ACTN4: variants seen among roughly 807,000 people sequenced by gnomAD.
ACTN4 encodes the protein actinin alpha 4.
In ACTN4, 18 loss-of-function variants were observed where a neutral mutation model predicts 114.2. That is an observed-to-expected ratio of 0.16 (90% CI 0.11 to 0.23). ACTN4 has a LOEUF of 0.23. ACTN4 is among the 10% of genes least tolerant of loss of function. The pLI, the probability that ACTN4 is intolerant of heterozygous loss-of-function variation, is 1.00. For synonymous variants in ACTN4, 515 were observed against 506.3 expected (o/e 1.02, Z -0.23); for missense variants, 722 against 1,262.9 (o/e 0.57, Z 6.49).
intron 1 of ACTN4, among the ~76,000 whole-genome samples, chr19:38,654,328 G>A (rs1000254141): frequency 3.9e-5 from 6 of 152,148 alleles, no homozygotes; most frequent in African/African-American, 1.2e-4. Flanking sequence ...TTGGGAGGTC[G>A]AGGTAGGTGG....
intron 19 of ACTN4, chr19:38,728,506 T>TCC: frequency 1.6e-6 from 1 of 632,092 alleles, no homozygotes; most frequent in Non-Finnish European, 2.4e-6. Flanking sequence ...GGGACACTCC[T>TCC]CCGCCCGAGC....
intron 1 of ACTN4, among the ~76,000 whole-genome samples, chr19:38,674,588 A>G (rs1021835143): frequency 1.8e-4 from 28 of 152,186 alleles, no homozygotes; most frequent in African/African-American, 6.5e-4. Flanking sequence ...ACTTTACGTC[A>G]GTCCCAGCAT....
At chr19:38,651,336 G>A (rs937659772) in intron 1 of ACTN4, among the ~76,000 whole-genome samples, 1 of 152,166 alleles carries the variant, frequency 6.6e-6, no homozygotes, top group African/African-American at 2.4e-5. Context: ...TTATGCAACG[G>A]TTTTTACATG....
In ACTN4 at chr19:38,727,204, C is replaced by G. The variant is rs1969264951; in HGVS notation, c.2337+101C>G. The stretch of plus-strand genomic sequence containing the variant: ...TGTTCGTCCATTCCCATCACAGTTG[C>G]TGAGCGTCGGCCGCCACTCCCAGGG... On this transcript the variant is annotated intron_variant, in intron 18 of 20. Coordinates refer to ENST00000252699, the MANE Select transcript of ACTN4 (RefSeq NM_004924.6). The surrounding 1 kb of genome is among the most constrained non-coding windows in gnomAD (Gnocchi z 5.4). The G allele has an allele frequency of 1.3e-6, 2 of 1,546,118 alleles. No individual in the cohort carries two copies. Among genetic ancestry groups the G allele is most frequent in the Admixed American group, 1.9e-5 (1 of 52,954 alleles).
chr19:38,688,390 C>CAA (rs35793948), intron 1 of ACTN4, among the ~76,000 whole-genome samples: 5,042 of 80,950 alleles, frequency 0.062, 254 homozygotes, highest in African/African-American at 0.11. Flanking sequence ...TTGTCTCTAC[C>CAA]AAAAAAAAAA....
chr19:38,680,400 G>A (rs1049291352), intron 1 of ACTN4, among the ~76,000 whole-genome samples: 2 of 151,830 alleles, frequency 1.3e-5, no homozygotes, highest in Non-Finnish European at 2.9e-5. Flanking sequence ...GGCTGGTCTC[G>A]AAGTCCTGAC....
intron 1 of ACTN4, among the ~76,000 whole-genome samples, chr19:38,660,886 C>T (rs367829068): frequency 1.1e-4 from 16 of 152,160 alleles, no homozygotes; most frequent in Middle Eastern, 6.8e-3. Context: ...GCTTTGCGAG[C>T]GGGTGGTGAG....
rs746143050 is a variant in ACTN4 at position 38,725,894 on chromosome 19, T to C, written c.2181T>C (p.Tyr727=). The change falls in exon 17 of 21, where the codon TAT becomes TAC. Residue 727 remains tyrosine, a synonymous_variant. Coordinates refer to ENST00000252699, the MANE Select transcript of ACTN4 (RefSeq NM_004924.6). ...TCTTCGACAACAAGCACACCAACTA[T>C]ACCATGGAGGTGCGCGGCTGCCCCG... ...ALIFDNKHTN[Y]TMEHIRVGWE... is the part of the protein sequence containing the mutation. 1 of 1,613,776 alleles carries C rather than the reference T, an allele frequency of 6.2e-7. No homozygotes were observed.
At chr19:38,679,564 TGTGC>T (rs1255981676) in intron 1 of ACTN4, among the ~76,000 whole-genome samples, 3 of 128,470 alleles carry the variant, frequency 2.3e-5, no homozygotes, top group African/African-American at 8.5e-5. Context: ...TAGATTTGGG[TGTGC>T]GTGTGTGTGT....
intron 1 of ACTN4, among the ~76,000 whole-genome samples, chr19:38,657,774 C>T (rs776011661): frequency 2.0e-5 from 3 of 152,020 alleles, no homozygotes; most frequent in South Asian, 2.1e-4. Context: ...CTGAGGGGGA[C>T]GTCACAATAA....
chr19:38,691,140 G>A (rs563993423), intron 1 of ACTN4, among the ~76,000 whole-genome samples: 1 of 152,202 alleles, frequency 6.6e-6, no homozygotes, highest in Non-Finnish European at 1.5e-5. Context: ...GTGAGGCCGG[G>A]TGTGTTGGCT....
At position 38,727,119 on chromosome 19, in the gene ACTN4, C is replaced by T; in HGVS notation, c.2337+16C>T. On this transcript the variant is annotated intron_variant, in intron 18 of 20. Transcript: ENST00000252699. The surrounding 1 kb of genome is among the most constrained non-coding windows in gnomAD (Gnocchi z 5.4). ...CTTCGACAAGGTGAGCAGCCTGCCA[C>T]CTCCTCGGCCTCTCCCCTCCCGCCG... The T allele has an allele frequency of 6.2e-7, 1 of 1,613,484 alleles. No individual in the cohort carries two copies. The highest frequency in any genetic ancestry group is 8.5e-7 in the Non-Finnish European group (1 of 1,179,926).
At chr19:38,722,220 G>A (rs1229043656) in intron 12 of ACTN4, among the ~76,000 whole-genome samples, 1 of 152,152 alleles carries the variant, frequency 6.6e-6, no homozygotes, top group African/African-American at 2.4e-5. Flanking sequence ...TGAGGGTCGC[G>A]CTGGTGAATG....
intron 1 of ACTN4, among the ~76,000 whole-genome samples, chr19:38,685,343 G>A (rs1045921883): frequency 1.3e-5 from 2 of 152,166 alleles, no homozygotes; most frequent in African/African-American, 2.4e-5. Context: ...TTAACACCAC[G>A]AATTAGTTGC....
At chr19:38,689,316 A>G (rs1013986953) in intron 1 of ACTN4, among the ~76,000 whole-genome samples, 2 of 152,218 alleles carry the variant, frequency 1.3e-5, no homozygotes, top group Non-Finnish European at 2.9e-5. Context: ...AGCCAAACTC[A>G]AAGATCATAT....
At position 38,731,476 on chromosome 19, in the gene ACTN4, C is replaced by T. The variant is rs1446940043; in HGVS notation, c.*2044C>T. The stretch of plus-strand genomic sequence containing the variant: ...AGAACGCTCAGGACAGCGTCTGACA[C>T]GTGACTCGATGTGTGGGTACTGTTA... On this transcript the variant is annotated 3_prime_UTR_variant, in exon 21 of 21. Coordinates refer to ENST00000252699, the MANE Select transcript of ACTN4 (RefSeq NM_004924.6). 1.1e-5 allele frequency: 6 copies of T among 545,998 alleles called. No individual in the cohort carries two copies. Among genetic ancestry groups the T allele is most frequent in the Non-Finnish European group, 6.6e-6 (2 of 301,188 alleles). The allele number at this position is 545,998 out of a possible 1,614,324, so 33.8% of individuals were successfully genotyped here. A position where few individuals can be genotyped will look rare whatever the true frequency, so the allele number is the denominator to read the frequency against.
At chr19:38,683,283 G>A (rs910989095) in intron 1 of ACTN4, among the ~76,000 whole-genome samples, 5 of 152,088 alleles carry the variant, frequency 3.3e-5, no homozygotes, top group African/African-American at 1.2e-4. Context: ...ATTTTGTTCC[G>A]TGCTGGCTTG....
intron 19 of ACTN4, chr19:38,728,313 C>T: frequency 6.6e-7 from 1 of 1,509,408 alleles, no homozygotes; most frequent in Non-Finnish European, 8.9e-7. Flanking sequence ...GTCCTCGGAG[C>T]AGAAGCAGAC....
intron 1 of ACTN4, 166 bp downstream of exon 1, chr19:38,648,073 C>G (rs1322692595): frequency 1.3e-6 from 1 of 766,382 alleles, no homozygotes; most frequent in African/African-American, 1.8e-5. Flanking sequence ...GGAGGAATCG[C>G]CGAGCTAGAG....
Sources: gnomAD v4.1 joint callset for allele counts (sites outside exome capture counted in the v4.1 genomes callset) on GRCh38, gnomAD v4.1.1 for gene constraint, Gnocchi (gnomAD v3.1) non-coding constraint, MANE v1.5 for transcripts, NCBI Gene and HGNC (gene_info 2026-07-23, HGNC 2026-07-21) for gene names.